Variants in CIDEA observed in about 807,000 individuals in gnomAD.
CIDEA encodes lipid transferase CIDEA.
Under a neutral mutation model 18.2 loss-of-function variants are expected in CIDEA, and 10 were observed. The observed-to-expected ratio is 0.55, with a 90% CI of 0.34 to 0.93. The LOEUF is 0.93. Ranked by LOEUF, CIDEA falls within the 40% of genes least tolerant of loss-of-function variation. The probability of loss-of-function intolerance (pLI) is 0.02; values close to 1 mark genes in which losing one functional copy is unlikely to be tolerated. For missense variants in CIDEA, 309 were observed against 293.1 expected, an observed-to-expected ratio of 1.05 and a Z score of -0.40; for synonymous variants, 128 against 124.8, an observed-to-expected ratio of 1.03 and a Z score of -0.17.
At chr18:12,267,864 G>A (rs1471692231) in intron 3 of CIDEA, among the ~76,000 whole-genome samples, 1 of 152,030 alleles carries the variant, frequency 6.6e-6, no homozygotes, top group African/African-American at 2.4e-5. Context: ...TCCCTTGGGG[G>A]ACATTTGTTA....
At chr18:12,271,108 A>T (rs531465865) in intron 3 of CIDEA, among the ~76,000 whole-genome samples, 12 of 152,164 alleles carry the variant, frequency 7.9e-5, no homozygotes, top group African/African-American at 2.9e-4. Flanking sequence ...CATGTTGGCC[A>T]GGCTGGTCTC....
chr18:12,270,545 C>T (rs1912483204), intron 3 of CIDEA, among the ~76,000 whole-genome samples: 1 of 151,914 alleles, frequency 6.6e-6, no homozygotes, highest in Non-Finnish European at 1.5e-5. Context: ...AAAAATTAGA[C>T]AAGCATGCTG....
In CIDEA at chr18:12,277,477, G is replaced by A; in HGVS notation, c.*207G>A. 1 of 586,792 alleles carries A rather than the reference G, an allele frequency of 1.7e-6. No homozygotes were observed. The highest frequency in any genetic ancestry group is 3.0e-6 in the Non-Finnish European group (1 of 336,298). The allele number at this position is 586,792 out of a possible 1,614,324, so 36.3% of individuals were successfully genotyped here. ...GGGTGCCCTGGGGGGGAGGCATAGAGGGCCCTGGGGGTCATGGGAAGCGAG... is the reference window on the plus strand; with the variant it reads ...GGGTGCCCTGGGGGGGAGGCATAGAAGGCCCTGGGGGTCATGGGAAGCGAG... On this transcript the variant is annotated 3_prime_UTR_variant, in exon 5 of 5. Coordinates refer to ENST00000320477, the MANE Select transcript of CIDEA (RefSeq NM_001279.4).
chr18:12,263,513 A>G (rs902472631), intron 2 of CIDEA: 1 of 152,418 alleles, frequency 6.6e-6, no homozygotes, highest in Non-Finnish European at 1.5e-5. Context: ...GGAACATTAC[A>G]TCTCTGTACC....
At chr18:12,257,129 C>T (rs1316267656) in intron 1 of CIDEA, among the ~76,000 whole-genome samples, 3 of 152,294 alleles carry the variant, frequency 2.0e-5, no homozygotes, top group Admixed American at 2.0e-4. Flanking sequence ...TCCCAGCCCT[C>T]CCTTCCTTCT....
intron 1 of CIDEA, among the ~76,000 whole-genome samples, chr18:12,260,437 C>T (rs938576174): frequency 1.3e-5 from 2 of 152,184 alleles, no homozygotes; most frequent in African/African-American, 2.4e-5. Context: ...CCTCCTGCCT[C>T]AGCCTTCCAA....
rs142419719 is a variant in CIDEA, at chr18:12,274,291, G to A, written c.512+17G>A. 15 of 1,613,156 alleles carry A rather than the reference G, an allele frequency of 9.3e-6. No homozygotes were observed. The highest frequency in any genetic ancestry group is 1.1e-5 in the Non-Finnish European group (13 of 1,179,496). On this transcript the variant is annotated intron_variant, in intron 4 of 4. Coordinates refer to ENST00000320477, the MANE Select transcript of CIDEA (RefSeq NM_001279.4). ...CCTGCTGAGGTAACACACTCCAGGG[G>A]TCACCTCCGGGGGTCTGCAGACTGC...
At chr18:12,272,147 TGTG>T (rs1206318059) in intron 3 of CIDEA, among the ~76,000 whole-genome samples, 1 of 1,476 alleles carries the variant, frequency 6.8e-4, no homozygotes, top group African/African-American at 2.5e-3. Flanking sequence ...TGAGTGTGTG[TGTG>T]GGGGGGGGGG....
chr18:12,277,365 C>T lies in CIDEA; in HGVS notation c.*95C>T. On this transcript the variant is annotated 3_prime_UTR_variant, in exon 5 of 5. Coordinates refer to ENST00000320477, the MANE Select transcript of CIDEA (RefSeq NM_001279.4). ...ATGCTTTTATGTTCTGAGCCACATG[C>T]ACTTGGAGGCCGCTGGTCACGCTGC... 5 of 1,350,704 alleles carry T rather than the reference C, an allele frequency of 3.7e-6. No homozygotes were observed. The highest frequency in any genetic ancestry group is 5.1e-6 in the Non-Finnish European group (5 of 973,382). The allele number at this position is 1,350,704 out of a possible 1,614,324, so 83.7% of individuals were successfully genotyped here.
intron 2 of CIDEA, 108 bp downstream of exon 2, chr18:12,263,077 A>G: frequency 1.7e-6 from 2 of 1,147,936 alleles, no homozygotes; most frequent in Non-Finnish European, 2.4e-6. Context: ...GATCAAGAAA[A>G]GCAGCATCTC....
Position 12,274,122 on chromosome 18 carries a change from G to A in CIDEA, c.360G>A (p.Pro120=), listed in dbSNP as rs761785453. 17 of 1,614,072 alleles carry A rather than the reference G, an allele frequency of 1.1e-5. No individual in the cohort carries two copies. Among genetic ancestry groups the A allele is most frequent in the Admixed American group, 5.0e-5 (3 of 59,998 alleles). ...PGSQHVPTCS[P]PKRSGIARVT... is the part of the protein sequence containing the mutation. ...GCCAGCACGTCCCCACTTGCTCGCC[G>A]CCGAAGAGGTCGGGAATAGCGAGAG... is the stretch of plus-strand genomic sequence containing the variant. The change falls in exon 4 of 5, where the codon CCG becomes CCA. Residue 120 remains proline (P), a synonymous_variant. Coordinates refer to ENST00000320477, the MANE Select transcript of CIDEA (RefSeq NM_001279.4).
chr18:12,275,982 CT>C (rs1002878216), intron 4 of CIDEA, among the ~76,000 whole-genome samples: 6 of 140,374 alleles, frequency 4.3e-5, no homozygotes, highest in African/African-American at 1.5e-4. Context: ...AATCTTTTTT[CT>C]TTTTCTTTTC....
intron 1 of CIDEA, among the ~76,000 whole-genome samples, chr18:12,255,992 C>T (rs1303084854): frequency 6.6e-6 from 1 of 152,188 alleles, no homozygotes; most frequent in Admixed American, 6.5e-5. Context: ...TCTTTGAAAT[C>T]TACCTGCTTC....
chr18:12,264,714 T>G (rs4797659), intron 3 of CIDEA, among the ~76,000 whole-genome samples: 1 of 151,566 alleles, frequency 6.6e-6, no homozygotes, highest in Non-Finnish European at 1.5e-5. Flanking sequence ...CCACCACGCC[T>G]GGCTAACTTT....
At chr18:12,272,425 C>G (rs1045169256) in intron 3 of CIDEA, among the ~76,000 whole-genome samples, 2 of 152,096 alleles carry the variant, frequency 1.3e-5, no homozygotes, top group African/African-American at 4.8e-5. Flanking sequence ...GTTGGCCAGG[C>G]TGATCTCAAA....
intron 3 of CIDEA, among the ~76,000 whole-genome samples, chr18:12,265,583 C>G (rs1273477362): frequency 1.3e-5 from 2 of 152,220 alleles, no homozygotes; most frequent in Non-Finnish European, 2.9e-5. Context: ...GAGTCCCAAA[C>G]CCCTAAGCTG....
chr18:12,271,831 G>A (rs1231779736), intron 3 of CIDEA, among the ~76,000 whole-genome samples: 1 of 151,916 alleles, frequency 6.6e-6, no homozygotes, highest in East Asian at 2.0e-4. Context: ...GCCAGCAGGT[G>A]TCTCGCTCCC....
intron 3 of CIDEA, among the ~76,000 whole-genome samples, chr18:12,265,693 C>T (rs538772635): frequency 1.3e-5 from 2 of 152,302 alleles, no homozygotes; most frequent in South Asian, 4.1e-4. Context: ...TGATAGTGCC[C>T]CAGGTAACTA....
Position 12,277,483 on chromosome 18 carries a change from T to G in CIDEA, c.*213T>G. 1.0e-4 allele frequency: 52 copies of G among 508,508 alleles called. No individual in the cohort carries two copies. Among genetic ancestry groups the G allele is most frequent in the East Asian group, 2.2e-4 (6 of 27,712 alleles). The allele number at this position is 508,508 out of a possible 1,614,324, so 31.5% of individuals were successfully genotyped here. A position where few individuals can be genotyped will look rare whatever the true frequency, so the allele number is the denominator to read the frequency against. On this transcript the variant is annotated 3_prime_UTR_variant, in exon 5 of 5. Transcript: ENST00000320477. Reference sequence around the variant, plus strand: ...CCTGGGGGGGAGGCATAGAGGGCCCTGGGGGTCATGGGAAGCGAGCACGCA... The same window carrying G: ...CCTGGGGGGGAGGCATAGAGGGCCCGGGGGGTCATGGGAAGCGAGCACGCA...
Sources: gnomAD v4.1 joint callset for allele counts (sites outside exome capture counted in the v4.1 genomes callset) on GRCh38, gnomAD v4.1.1 for gene constraint, MANE v1.5 for transcripts, NCBI Gene and HGNC (gene_info 2026-07-23, HGNC 2026-07-21) for gene names.